The following ADGRL3 variants were observed in gnomAD, a reference collection of about 807,000 sequenced individuals.
ADGRL3 encodes the protein adhesion G protein-coupled receptor L3.
Under a neutral mutation model 153.5 loss-of-function variants are expected in ADGRL3, and 62 were observed. The ratio of observed to expected loss-of-function variants is 0.40; its 90% confidence interval spans 0.33 to 0.50. ADGRL3 has a LOEUF of 0.50. Among genes scored for constraint, ADGRL3 ranks in the 20% least tolerant of loss-of-function variants. The pLI is 0.47. For missense variants in ADGRL3, 1,641 were observed against 1,859.4 expected, an observed-to-expected ratio of 0.88 and a Z score of 2.16; for synonymous variants, 710 against 672.5, an observed-to-expected ratio of 1.06 and a Z score of -0.86.
intron 4 of ADGRL3, among the ~76,000 whole-genome samples, chr4:61,574,127 G>A (rs1002399782): frequency 6.6e-6 from 1 of 151,790 alleles, no homozygotes; most frequent in Non-Finnish European, 1.5e-5. Context: ...CATGAAAGTC[G>A]GCTTCAACTC....
intron 1 of ADGRL3, among the ~76,000 whole-genome samples, chr4:61,358,913 T>A (rs2096239011): frequency 6.6e-6 from 1 of 152,216 alleles, no homozygotes; most frequent in South Asian, 2.1e-4. Flanking sequence ...ATAGCTACTT[T>A]CTCAAACATC....
intron 5 of ADGRL3, among the ~76,000 whole-genome samples, chr4:61,635,114 G>A (rs768771804): frequency 5.3e-5 from 8 of 152,152 alleles, no homozygotes; most frequent in Admixed American, 1.3e-4. Context: ...CACTGAGCAA[G>A]TGGCAGAGAC....
At chr4:61,552,592 T>C (rs1560828003) in intron 4 of ADGRL3, among the ~76,000 whole-genome samples, 1 of 152,262 alleles carries the variant, frequency 6.6e-6, no homozygotes, top group East Asian at 1.9e-4. Flanking sequence ...GCCTTCTGAA[T>C]AGCTGACATC....
intron 1 of ADGRL3, among the ~76,000 whole-genome samples, chr4:61,372,657 C>A (rs11945615): frequency 0.032 from 4,897 of 152,286 alleles, 100 homozygotes; most frequent in Non-Finnish European, 0.05. Context: ...ACGTTTAAGT[C>A]TGCAGAGGTT....
chr4:61,745,325 C>T (rs182332726), intron 8 of ADGRL3, among the ~76,000 whole-genome samples: 2 of 151,962 alleles, frequency 1.3e-5, no homozygotes, highest in Non-Finnish European at 2.9e-5. Flanking sequence ...TCTAGCAAGG[C>T]AGGCCAACAT....
rs180868190 is a variant in ADGRL3 at position 61,374,639 on chromosome 4, G to C, written c.-239-8485G>C. 3.9e-5 allele frequency among the ~76,000 whole-genome samples: 6 copies of C among 152,220 alleles called. No homozygotes were observed. In the East Asian group the frequency reaches 9.7e-4, roughly 25 times the overall value. ...ATGTGGGAAGGGGGCAGAGAAAAAA[G>C]GAGAAAGCAGAATGGCAATGCAATG... On this transcript the variant is annotated intron_variant, in intron 1 of 26. Coordinates refer to ENST00000683033, the MANE Select transcript of ADGRL3 (RefSeq NM_001387552.1).
intron 6 of ADGRL3, among the ~76,000 whole-genome samples, chr4:61,720,472 T>C (rs1302121725): frequency 6.6e-6 from 1 of 152,226 alleles, no homozygotes; most frequent in African/African-American, 2.4e-5. Flanking sequence ...ACAATCATAT[T>C]TTTATTAAGA....
intron 3 of ADGRL3, among the ~76,000 whole-genome samples, chr4:61,511,518 T>C (rs1358106166): frequency 2.6e-5 from 4 of 152,328 alleles, no homozygotes; most frequent in African/African-American, 9.6e-5. Context: ...GAGAGATTAT[T>C]TGATTACTTC....
chr4:61,540,798 T>A (rs1029217867), intron 4 of ADGRL3, among the ~76,000 whole-genome samples: 1 of 151,928 alleles, frequency 6.6e-6, no homozygotes, highest in Non-Finnish European at 1.5e-5. Context: ...ACAAAAAAAA[T>A]TAAATATGTG....
intron 6 of ADGRL3, among the ~76,000 whole-genome samples, chr4:61,683,442 A>G (rs952030260): frequency 6.6e-6 from 1 of 152,096 alleles, no homozygotes; most frequent in African/African-American, 2.4e-5. Context: ...GAAAGCTCTC[A>G]GCAATGAGGG....
intron 1 of ADGRL3, among the ~76,000 whole-genome samples, chr4:61,360,602 T>G (rs2096268245): frequency 6.6e-6 from 1 of 152,178 alleles, no homozygotes; most frequent in African/African-American, 2.4e-5. Context: ...TAAAACTTCT[T>G]TCCTGGAATG....
At chr4:61,669,240 C>A (rs1344635421) in intron 5 of ADGRL3, among the ~76,000 whole-genome samples, 2 of 151,930 alleles carry the variant, frequency 1.3e-5, no homozygotes, top group East Asian at 3.9e-4. Flanking sequence ...CTAGTTGATT[C>A]TCTTTATGAC....
At chr4:61,580,822 A>C (rs2098921671) in intron 4 of ADGRL3, among the ~76,000 whole-genome samples, 1 of 152,170 alleles carries the variant, frequency 6.6e-6, no homozygotes, top group East Asian at 1.9e-4. Context: ...AAAACGAGGG[A>C]CTGAAGGGAG....
intron 5 of ADGRL3, among the ~76,000 whole-genome samples, chr4:61,663,334 G>A (rs2094668984): frequency 6.6e-6 from 1 of 152,196 alleles, no homozygotes; most frequent in Non-Finnish European, 1.5e-5. Flanking sequence ...GATTCCAGCA[G>A]AAACTGCATT....
chr4:61,751,740 C>T (rs1016954323), intron 8 of ADGRL3, among the ~76,000 whole-genome samples: 6 of 152,078 alleles, frequency 3.9e-5, no homozygotes, highest in African/African-American at 1.4e-4. Context: ...CTCTAGCATA[C>T]ATTATTTGCA....
intron 4 of ADGRL3, among the ~76,000 whole-genome samples, chr4:61,528,425 A>AT (rs2098588644): frequency 6.6e-6 from 1 of 152,142 alleles, no homozygotes; most frequent in African/African-American, 2.4e-5. Context: ...AACAGAGGAT[A>AT]TATCTTTCAT....
At chr4:61,385,374 C>CT (rs2096724286) in intron 2 of ADGRL3, 1 of 152,354 alleles carries the variant, frequency 6.6e-6, no homozygotes, top group South Asian at 2.1e-4. Context: ...CCTGACTCCT[C>CT]TCCTAACATT....
At chr4:62,058,765 T>C (rs1283599953) in intron 25 of ADGRL3, among the ~76,000 whole-genome samples, 2 of 152,068 alleles carry the variant, frequency 1.3e-5, no homozygotes, top group African/African-American at 4.8e-5. Context: ...ATTTCGCAGC[T>C]ATTAGAAGGG....
intron 4 of ADGRL3, among the ~76,000 whole-genome samples, chr4:61,559,404 G>A (rs2098784390): frequency 6.6e-6 from 1 of 151,990 alleles, no homozygotes. Flanking sequence ...AGTCTAAGCT[G>A]CTTTTGTTTA....
Sources: allele counts gnomAD v4.1 joint callset (sites outside exome capture counted in the v4.1 genomes callset), GRCh38; gene constraint gnomAD v4.1.1; transcripts MANE v1.5; gene names NCBI Gene and HGNC (gene_info 2026-07-23, HGNC 2026-07-21).